The following FBXO33 variants were observed in gnomAD, a reference collection of about 807,000 sequenced individuals.
The protein encoded by FBXO33 is F-box only protein 33.
FBXO33 carries 22 observed loss-of-function variants against 46.3 expected under a neutral mutation model. The ratio of observed to expected loss-of-function variants is 0.48; its 90% CI spans 0.34 to 0.68. The LOEUF is 0.68. Among genes scored for constraint, FBXO33 ranks in the 30% least tolerant of loss-of-function variants. The probability of loss-of-function intolerance (pLI) is 0.01; values close to 1 mark genes in which losing one functional copy is unlikely to be tolerated. For synonymous variants in FBXO33, 337 were observed against 291.3 expected (o/e 1.16, Z -1.60); for missense variants, 692 against 708.8 (o/e 0.98, Z 0.27).
chr14:39,427,458 T>A (rs1043326440), intron 1 of FBXO33, among the ~76,000 whole-genome samples: 2 of 152,186 alleles, frequency 1.3e-5, no homozygotes, highest in Admixed American at 6.5e-5. Context: ...ATGGGCTTTT[T>A]AAAGTAAATA....
chr14:39,425,945 C>A (rs921182667), intron 1 of FBXO33, among the ~76,000 whole-genome samples: 5 of 152,230 alleles, frequency 3.3e-5, no homozygotes, highest in Middle Eastern at 3.4e-3. Context: ...AACAGTACTC[C>A]GTATTAGCTT....
intron 1 of FBXO33, among the ~76,000 whole-genome samples, chr14:39,415,975 T>C (rs901419579): frequency 6.6e-5 from 10 of 152,232 alleles, no homozygotes; most frequent in Admixed American, 5.2e-4. Flanking sequence ...CCTAATACCA[T>C]TGGCTTTTAA....
At chr14:39,402,237 T>C (rs2075372009) in intron 2 of FBXO33, among the ~76,000 whole-genome samples, 164 bp downstream of exon 2, 1 of 152,214 alleles carries the variant, frequency 6.6e-6, no homozygotes, top group African/African-American at 2.4e-5. Context: ...ATTTATGAGA[T>C]GGAATGGCAG....
chr14:39,431,979 A>G lies in FBXO33; in HGVS notation c.184T>C (p.Cys62Arg). ...GACGCAGCGCCCGCCGCCTGCCCGC[A>G]CAGAGCCATCCGGCCCCGCCGCCGG... ...GSRRRGRMAL[C>R]GQAAGAASLP... The change falls in exon 1 of 4, where the codon TGC becomes CGC. Residue 62 changes from cysteine to arginine, a missense_variant. Physicochemically the swap from Cys to Arg is radical, Grantham distance 180. Around this residue, in one of 3 missense-constraint regions of FBXO33, gnomAD observed 412 missense variants for 370.8 expected, o/e 1.11. Transcript: ENST00000298097. 1 of 1,517,092 alleles carries G rather than the reference A, an allele frequency of 6.6e-7. No homozygotes were observed. The highest frequency in any genetic ancestry group is 1.2e-5 in the South Asian group (1 of 82,414). The allele number at this position is 1,517,092 out of a possible 1,614,324, so 94.0% of individuals were successfully genotyped here.
At chr14:39,420,419 G>A (rs1355391344) in intron 1 of FBXO33, among the ~76,000 whole-genome samples, 3 of 152,174 alleles carry the variant, frequency 2.0e-5, no homozygotes, top group Non-Finnish European at 2.9e-5. Context: ...GCTGGGCGCC[G>A]GTGGCTCACG....
Position 39,405,885 on chromosome 14 carries a change from G to A in FBXO33, c.600-3374C>T, listed in dbSNP as rs1401234486. 3.5e-5 allele frequency among the ~76,000 whole-genome samples: 5 copies of A among 144,032 alleles called. No individual in the cohort carries two copies. In the South Asian group the frequency reaches 8.8e-4, roughly 25 times the overall value. 94.5% of individuals were successfully genotyped at this position (144,032 alleles called of 152,430 possible). A position where few individuals can be genotyped will look rare whatever the true frequency, so the allele number is the denominator to read the frequency against. ...TCTAATTTTTCTTGACCTTTAAAAAGTTTTAGTCACTCTGGTAAATCTAAT... is the reference window on the plus strand; with the variant it reads ...TCTAATTTTTCTTGACCTTTAAAAAATTTTAGTCACTCTGGTAAATCTAAT... On this transcript the variant is annotated intron_variant, in intron 1 of 3. Coordinates refer to ENST00000298097, the MANE Select transcript of FBXO33 (RefSeq NM_203301.4).
At position 39,427,470 on chromosome 14, in the gene FBXO33, TAAC is replaced by T. The variant is rs1595989067; in HGVS notation, c.599+4091_599+4093del. On this transcript the variant is annotated intron_variant, in intron 1 of 3. Coordinates refer to ENST00000298097, the MANE Select transcript of FBXO33 (RefSeq NM_203301.4). ...TAAATGGGCTTTTTAAAGTAAATAA[TAAC>T]AAAGTAAACTCTCAGAGATGAAACA... Among the ~76,000 whole-genome samples the T allele has an allele frequency of 2.0e-5, 3 of 152,150 alleles. No individual in the cohort carries two copies. The East Asian group carries it at 5.8e-4, about 29-fold the overall frequency.
At chr14:39,431,203 C>A (rs1213476048) in intron 1 of FBXO33, among the ~76,000 whole-genome samples, 1 of 152,138 alleles carries the variant, frequency 6.6e-6, no homozygotes, top group Non-Finnish European at 1.5e-5. Flanking sequence ...TGTTTTGTTT[C>A]TTCCAAGGCT....
rs189497857 is a variant in FBXO33 at position 39,424,910 on chromosome 14, G to C, written c.599+6654C>G. On this transcript the variant is annotated intron_variant, in intron 1 of 3. Transcript: ENST00000298097. Reference sequence around the variant, plus strand: ...TCTACTAAAAATACAAAAATTAGCTGGGCGTGGTGGTGCATCCTGTAATCC... The same window carrying C: ...TCTACTAAAAATACAAAAATTAGCTCGGCGTGGTGGTGCATCCTGTAATCC... 1.0e-3 allele frequency among the ~76,000 whole-genome samples: 154 copies of C among 152,166 alleles called. 2 individuals are homozygous for C. The highest frequency in any genetic ancestry group is 8.0e-3 in the Admixed American group (122 of 15,280).
Position 39,401,537 on chromosome 14 carries a change from A to C in FBXO33, c.1035T>G (p.Ser345=). The C allele has an allele frequency of 6.2e-7, 1 of 1,614,210 alleles. No homozygotes were observed. Residue 345 remains serine (S), a synonymous_variant, in exon 3 of 4, where the codon TCT becomes TCG. Coordinates refer to ENST00000298097, the MANE Select transcript of FBXO33 (RefSeq NM_203301.4). ...QRLSLLVHNV[S]VMHKSLDNMP... ...TGTTGTCCAGAGACTTGTGCATTAC[A>C]GAAACATTGTGAACCAGAAGAGACA...
chr14:39,408,924 T>C (rs2075410575), intron 1 of FBXO33, among the ~76,000 whole-genome samples: 1 of 151,980 alleles, frequency 6.6e-6, no homozygotes, highest in Non-Finnish European at 1.5e-5. Context: ...TACACATGCA[T>C]GCTACCACAC....
intron 1 of FBXO33, among the ~76,000 whole-genome samples, chr14:39,429,212 A>G (rs967177030): frequency 2.0e-5 from 3 of 152,216 alleles, no homozygotes; most frequent in Non-Finnish European, 4.4e-5. Context: ...ACAAAACAAA[A>G]TAACAGTCTG....
intron 1 of FBXO33, among the ~76,000 whole-genome samples, chr14:39,418,642 G>T (rs1196876093): frequency 6.6e-6 from 1 of 151,222 alleles, no homozygotes; most frequent in Non-Finnish European, 1.5e-5. Context: ...AGGCGTGGTG[G>T]CGGGTCCCTG....
At chr14:39,414,073 G>C (rs140674335) in intron 1 of FBXO33, among the ~76,000 whole-genome samples, 177 of 152,282 alleles carry the variant, frequency 1.2e-3, no homozygotes, top group Admixed American at 3.1e-3. Flanking sequence ...GTCCTAGATG[G>C]TATCTTCTTG....
Position 39,402,429 on chromosome 14 carries a change from C to A in FBXO33, c.682G>T (p.Val228Leu). Residue 228 changes from valine to leucine, a missense_variant, in exon 2 of 4, where the codon GTG (valine) becomes TTG (leucine). Physicochemically the swap from Val to Leu is conservative, Grantham distance 32. Transcript: ENST00000298097. Reference sequence around the variant, plus strand: ...TTAATTTTTTTGCCATCAGGGTCCACCTTGCTGAGGTATGTATTTGACAAA... The same window carrying A: ...TTAATTTTTTTGCCATCAGGGTCCAACTTGCTGAGGTATGTATTTGACAAA... ...GSLSNTYLSKVDPDGKKIKQI... is the reference protein window; with the variant it reads ...GSLSNTYLSKLDPDGKKIKQI... The A allele has an allele frequency of 6.3e-7, 1 of 1,576,792 alleles. No individual in the cohort carries two copies. The highest frequency in any genetic ancestry group is 8.6e-7 in the Non-Finnish European group (1 of 1,161,306).
At chr14:39,426,969 TC>T (rs34062863) in intron 1 of FBXO33, among the ~76,000 whole-genome samples, 1 of 152,176 alleles carries the variant, frequency 6.6e-6, no homozygotes, top group Non-Finnish European at 1.5e-5. Context: ...AAGCATGTCT[TC>T]CCCGCCTGGC....
intron 1 of FBXO33, among the ~76,000 whole-genome samples, chr14:39,417,872 G>A (rs944446923): frequency 2.0e-4 from 31 of 152,072 alleles, no homozygotes; most frequent in African/African-American, 7.2e-4. Context: ...GCAAAGGCTA[G>A]GACTTCCTAC....
chr14:39,402,646 T>A, intron 1 of FBXO33, 135 bp from the exon 2 acceptor site: 1 of 356,002 alleles, frequency 2.8e-6, no homozygotes, highest in Non-Finnish European at 4.8e-6. Flanking sequence ...TCCAGTTAAG[T>A]ACTTTCAGAT....
intron 1 of FBXO33, among the ~76,000 whole-genome samples, chr14:39,413,276 C>T (rs1374145849): frequency 1.3e-5 from 2 of 152,220 alleles, no homozygotes; most frequent in African/African-American, 2.4e-5. Context: ...CCACTTTGTT[C>T]ATCCATAAAA....
Sources: allele counts gnomAD v4.1 joint callset (sites outside exome capture counted in the v4.1 genomes callset), GRCh38; gene constraint gnomAD v4.1.1; regional missense constraint gnomAD v4.1.1; transcripts MANE v1.5; gene names NCBI Gene and HGNC (gene_info 2026-07-23, HGNC 2026-07-21).